TSPAN5: variants seen among roughly 807,000 people sequenced by gnomAD.
TSPAN5 encodes the protein tetraspanin-5.
In TSPAN5, 10 loss-of-function variants were observed where a neutral mutation model predicts 37.1. The ratio of observed to expected loss-of-function variants is 0.27; its 90% confidence interval spans 0.17 to 0.46. The LOEUF is 0.46. Among genes scored for constraint, TSPAN5 ranks in the 20% least tolerant of loss-of-function variants. The pLI is 1.00. For synonymous variants in TSPAN5, 110 were observed against 118.9 expected (o/e 0.93, Z 0.48); for missense variants, 195 against 326.6 (o/e 0.60, Z 3.11).
intron 1 of TSPAN5, among the ~76,000 whole-genome samples, chr4:98,611,402 G>A (rs1019030330): frequency 3.9e-5 from 6 of 152,170 alleles, no homozygotes; most frequent in African/African-American, 1.4e-4. Context: ...ATGTGAAGCA[G>A]CCTCTGTGAA....
chr4:98,622,172 C>T (rs1276991671), intron 1 of TSPAN5, among the ~76,000 whole-genome samples: 4 of 152,128 alleles, frequency 2.6e-5, no homozygotes, highest in Non-Finnish European at 5.9e-5. Flanking sequence ...CTCTGCCTCC[C>T]AGGTTCAAAT....
chr4:98,519,628 G>A (rs1753810274), intron 1 of TSPAN5, among the ~76,000 whole-genome samples: 2 of 152,246 alleles, frequency 1.3e-5, no homozygotes, highest in Non-Finnish European at 2.9e-5. Flanking sequence ...CAACTTGGCA[G>A]GCTTTTGGTG....
At position 98,479,889 on chromosome 4, in the gene TSPAN5, A is replaced by G. The variant is rs538568148; in HGVS notation, c.451-1079T>C. Among the ~76,000 whole-genome samples, 82 of 152,332 alleles carry G rather than the reference A, an allele frequency of 5.4e-4. No individual in the cohort carries two copies. In the South Asian group the frequency reaches 0.011, roughly 20 times the overall value. ...CCCTGTATACTGTACTTTTGCATAC[A>G]GATGTTATGTTAAAGAATTACTTCA... On this transcript the variant is annotated intron_variant, in intron 4 of 7. Coordinates refer to ENST00000305798, the MANE Select transcript of TSPAN5 (RefSeq NM_005723.4).
At position 98,554,301 on chromosome 4, in the gene TSPAN5, G is replaced by A. The variant is rs185502942; in HGVS notation, c.82-46573C>T. Among the ~76,000 whole-genome samples the A allele has an allele frequency of 7.4e-3, 1,127 of 152,008 alleles. 3 individuals are homozygous for A. The highest frequency in any genetic ancestry group is 0.011 in the Non-Finnish European group (765 of 67,988). ...TGTAGCTGCCTCTTAACTTTTTAGC[G>A]GTGTTTTTAAAAATAGGAAACTATT... On this transcript the variant is annotated intron_variant, in intron 1 of 7. Transcript: ENST00000305798.
chr4:98,585,309 C>T (rs945490354), intron 1 of TSPAN5, among the ~76,000 whole-genome samples: 1 of 150,842 alleles, frequency 6.6e-6, no homozygotes, highest in African/African-American at 2.4e-5. Context: ...TCTATTATTC[C>T]ACTCTCTCTC....
Position 98,528,414 on chromosome 4 carries a change from A to ATTTTTT in TSPAN5, c.82-20692_82-20687dup, listed in dbSNP as rs10680446. Among the ~76,000 whole-genome samples the ATTTTTT allele has an allele frequency of 7.4e-4, 107 of 143,792 alleles. 1 individual carries two copies. The highest frequency in any genetic ancestry group is 3.7e-3 in the Middle Eastern group (1 of 270). The allele number at this position is 143,792 out of a possible 152,430, so 94.3% of individuals were successfully genotyped here. On this transcript the variant is annotated intron_variant, in intron 1 of 7. Coordinates refer to ENST00000305798, the MANE Select transcript of TSPAN5 (RefSeq NM_005723.4). ...CCAAAATAATTAAATGTAACAGATG[A>ATTTTTT]TTTTTTTTTTTTTTTTTGCTGTCAC... is the stretch of plus-strand genomic sequence containing the variant.
At chr4:98,519,793 C>T (rs1008090700) in intron 1 of TSPAN5, among the ~76,000 whole-genome samples, 1 of 152,178 alleles carries the variant, frequency 6.6e-6, no homozygotes, top group African/African-American at 2.4e-5. Flanking sequence ...GGCTGGACAG[C>T]AGTTGGCTCT....
At chr4:98,477,626 C>A (rs568281001) in intron 5 of TSPAN5, among the ~76,000 whole-genome samples, 1 of 151,612 alleles carries the variant, frequency 6.6e-6, no homozygotes, top group Non-Finnish European at 1.5e-5. Context: ...CGTGGAGTAA[C>A]CTCTCATGTT....
rs537548347 is a variant in TSPAN5, at chr4:98,603,191, C to A, written c.81+54955G>T. Among the ~76,000 whole-genome samples the A allele has an allele frequency of 3.9e-5, 6 of 152,284 alleles. No homozygotes were observed. In the South Asian group the frequency reaches 1.2e-3, roughly 32 times the overall value. ...GAGATGTCATTTGTAGACTGCATAT[C>A]GCCATCTGTACTACAGTAAGCTCTC... On this transcript the variant is annotated intron_variant, in intron 1 of 7. Transcript: ENST00000305798.
chr4:98,589,051 G>A (rs1334472042), intron 1 of TSPAN5, among the ~76,000 whole-genome samples: 2 of 152,174 alleles, frequency 1.3e-5, no homozygotes, highest in African/African-American at 4.8e-5. Context: ...ATGTGACAGT[G>A]TTGGAACCAG....
intron 1 of TSPAN5, among the ~76,000 whole-genome samples, chr4:98,650,976 T>C (rs1757175261): frequency 6.6e-6 from 1 of 152,206 alleles, no homozygotes; most frequent in Non-Finnish European, 1.5e-5. Context: ...CTTACTGATA[T>C]AAATAAATAA....
chr4:98,476,674 A>G (rs1752708464), intron 5 of TSPAN5, among the ~76,000 whole-genome samples: 1 of 152,244 alleles, frequency 6.6e-6, no homozygotes, highest in African/African-American at 2.4e-5. Context: ...TATTTTACAA[A>G]TAAGGAAAAC....
intron 1 of TSPAN5, among the ~76,000 whole-genome samples, chr4:98,655,677 A>G (rs1269936137): frequency 1.3e-5 from 2 of 152,092 alleles, no homozygotes; most frequent in African/African-American, 4.8e-5. Context: ...GTTTTTGGCA[A>G]TCACAGACAG....
chr4:98,497,980 G>C (rs1181242487), intron 2 of TSPAN5, among the ~76,000 whole-genome samples: 2 of 152,208 alleles, frequency 1.3e-5, no homozygotes, highest in Admixed American at 1.3e-4. Context: ...AGCAGAGGAA[G>C]CTCCAGGCCA....
At chr4:98,585,315 CTCTCT>C (rs1755463471) in intron 1 of TSPAN5, among the ~76,000 whole-genome samples, 1 of 150,740 alleles carries the variant, frequency 6.6e-6, no homozygotes, top group African/African-American at 2.4e-5. Flanking sequence ...ATTCCACTCT[CTCTCT>C]TTTTTTTTTG....
chr4:98,613,722 C>T lies in TSPAN5; in HGVS notation c.81+44424G>A, dbSNP rs148946361. On this transcript the variant is annotated intron_variant, in intron 1 of 7. Coordinates refer to ENST00000305798, the MANE Select transcript of TSPAN5 (RefSeq NM_005723.4). ...AAAAAAGTGACTGATGTAATCCAGT[C>T]CTAAGCTATCTCTCGGTGGTGGTTA... 5.1e-3 allele frequency among the ~76,000 whole-genome samples: 780 copies of T among 152,124 alleles called. 2 individuals are homozygous for T. The highest frequency in any genetic ancestry group is 0.031 in the Middle Eastern group (9 of 294).
intron 1 of TSPAN5, among the ~76,000 whole-genome samples, chr4:98,524,753 T>C (rs1179017507): frequency 6.6e-6 from 1 of 151,850 alleles, no homozygotes; most frequent in Non-Finnish European, 1.5e-5. Context: ...ATTTCATAAG[T>C]CCCTATTAAC....
chr4:98,485,762 C>CTTTTTTTTTTTT (rs766494512), intron 3 of TSPAN5, among the ~76,000 whole-genome samples: 48 of 86,588 alleles, frequency 5.5e-4, no homozygotes, highest in African/African-American at 2.0e-3. Flanking sequence ...CTTGGATATG[C>CTTTTTTTTTTTT]TTTTTTTTTT....
intron 1 of TSPAN5, among the ~76,000 whole-genome samples, chr4:98,552,532 G>T (rs1303329132): frequency 1.3e-5 from 2 of 152,124 alleles, no homozygotes; most frequent in Non-Finnish European, 2.9e-5. Flanking sequence ...CAATAAGCTG[G>T]TGTTCTAGAG....
Sources: allele counts gnomAD v4.1 joint callset (sites outside exome capture counted in the v4.1 genomes callset), GRCh38; gene constraint gnomAD v4.1.1; transcripts MANE v1.5; gene names NCBI Gene and HGNC (gene_info 2026-07-23, HGNC 2026-07-21).